Variants in SLC49A3 observed in about 807,000 individuals in gnomAD.
The protein encoded by SLC49A3 is solute carrier family 49 member 3, also known as solute carrier family 49 member A3.
SLC49A3 carries 50 observed loss-of-function variants against 43.8 expected under a neutral mutation model. The observed-to-expected ratio is 1.14, with a 90% CI of 0.91 to 1.45. The LOEUF (loss-of-function observed/expected upper bound fraction) is 1.45. Ranked by LOEUF, SLC49A3 falls within the 40% of genes most tolerant of loss-of-function variation. The pLI is 0.00. For missense variants in SLC49A3, 906 were observed against 774.1 expected (o/e 1.17, Z -2.02); for synonymous variants, 413 against 352.0 (o/e 1.17, Z -1.94).
downstream of SLC49A3, among the ~76,000 whole-genome samples, chr4:681,327 C>T (rs1206817016): frequency 6.6e-6 from 1 of 152,082 alleles, no homozygotes; most frequent in Non-Finnish European, 1.5e-5. Context: ...ATCAGGTCAG[C>T]GGTTGGAGAC....
chr4:680,039 C>G (rs1739289730), downstream of SLC49A3: 1 of 1,560,816 alleles, frequency 6.4e-7, no homozygotes, highest in African/African-American at 1.4e-5. Context: ...GTGGGGCAGG[C>G]CTGGCCCTCC....
Position 682,140 on chromosome 4 carries a change from C to T in SLC49A3, c.1498G>A (p.Asp500Asn), listed in dbSNP as rs1183419780. The T allele has an allele frequency of 1.5e-6, 2 of 1,343,430 alleles. No homozygotes were observed. Among genetic ancestry groups the T allele is most frequent in the Admixed American group, 6.9e-5 (2 of 29,106 alleles). The allele number at this position is 1,343,430 out of a possible 1,614,324, so 83.2% of individuals were successfully genotyped here. A position where few individuals can be genotyped will look rare whatever the true frequency, so the allele number is the denominator to read the frequency against. ...TGGGGGCTCCCGGGCCCTCTGGGGT[C>T]CTCTAGCGAGGCCCCCCTCGCCGTG... is the stretch of plus-strand genomic sequence containing the variant. ...ECTARGASLE[D>N]PRGPGSPHPA... Residue 500 changes from aspartate to asparagine, a missense_variant, in exon 10 of 10, where the codon GAC becomes AAC. Asp to Asn is a conservative substitution (Grantham distance 23, BLOSUM62 1). Transcript: ENST00000322224.
chr4:678,043 C>T (rs372794422), downstream of SLC49A3: 124 of 1,613,174 alleles, frequency 7.7e-5, no homozygotes, highest in African/African-American at 2.0e-4. Context: ...AGCAGGCCGC[C>T]GTGCATGCCT....
chr4:685,228 A>C lies in SLC49A3; in HGVS notation c.586-372T>G. 1 of 336,140 alleles carries C rather than the reference A, an allele frequency of 3.0e-6. No individual in the cohort carries two copies. The highest frequency in any genetic ancestry group is 2.2e-5 in the African/African-American group (1 of 46,492). 20.8% of individuals were successfully genotyped at this position (336,140 alleles called of 1,614,324 possible). A position where few individuals can be genotyped will look rare whatever the true frequency, so the allele number is the denominator to read the frequency against. The stretch of plus-strand genomic sequence containing the variant: ...AGACTCACGCTCAGTACATACCCCC[A>C]AGCACAAACACACCACCCGCACCTG... On this transcript the variant is annotated intron_variant, in intron 4 of 9. Transcript: ENST00000322224. This position sits in a 1 kb window ranked among gnomAD's most constrained non-coding sequence, Gnocchi z 4.3.
Position 686,626 on chromosome 4 carries a change from T to C in SLC49A3, c.200A>G (p.Gln67Arg), listed in dbSNP as rs748961018. ...GTAGACCAGTGACAGCCAGTTGATC[T>C]GCTCCATGGACAGGACCAAGTCCTC... ...IAEDLVLSMEQINWLSLVYLV... is the reference protein window; with the variant it reads ...IAEDLVLSMERINWLSLVYLV... Residue 67 changes from glutamine (Q) to arginine (R), a missense_variant, in exon 2 of 10, where the codon CAG becomes CGG. Physicochemically the swap from Gln to Arg is conservative, Grantham distance 43. Transcript: ENST00000322224. 4 of 1,613,368 alleles carry C rather than the reference T, an allele frequency of 2.5e-6. 1 individual carries two copies. In the South Asian group the frequency reaches 4.4e-5, roughly 18 times the overall value.
At chr4:683,134 G>A in intron 8 of SLC49A3, 76 bp downstream of exon 8, 1 of 1,580,634 alleles carries the variant, frequency 6.3e-7, no homozygotes, top group Non-Finnish European at 8.7e-7. Flanking sequence ...TGGACCACAT[G>A]GTGCAACCCC....
At chr4:680,391 G>A, downstream of SLC49A3, 2 of 1,087,374 alleles carry the variant, frequency 1.8e-6, 1 homozygote, top group Non-Finnish European at 2.8e-6. Context: ...CCACCTTGTG[G>A]GCAGAGGCTT....
chr4:683,425 C>T, intron 7 of SLC49A3, 58 bp from the exon 8 acceptor site: 2 of 1,571,254 alleles, frequency 1.3e-6, no homozygotes, highest in South Asian at 1.2e-5. Context: ...AGAACTGGAC[C>T]TGGCTTCACG....
intron 7 of SLC49A3, 109 bp downstream of exon 7, chr4:683,500 G>C: frequency 4.0e-6 from 6 of 1,495,476 alleles, no homozygotes; most frequent in Middle Eastern, 2.2e-4. Flanking sequence ...GCAGAGGCTG[G>C]GCATGAGACA....
At chr4:677,907 A>T, downstream of SLC49A3, 1 of 1,563,696 alleles carries the variant, frequency 6.4e-7, no homozygotes, top group African/African-American at 1.4e-5. Flanking sequence ...GGTAGCCCCA[A>T]GCCTGTCCTT....
downstream of SLC49A3, chr4:678,861 G>A (rs1739130542): frequency 1.9e-6 from 3 of 1,608,886 alleles, no homozygotes; most frequent in Non-Finnish European, 1.7e-6. Flanking sequence ...AGGAGTGGAA[G>A]CCTATCCTCA....
At chr4:684,059 G>T (rs1052643177) in intron 6 of SLC49A3, among the ~76,000 whole-genome samples, 1 of 152,230 alleles carries the variant, frequency 6.6e-6, no homozygotes, top group African/African-American at 2.4e-5. Context: ...ATCCTACACT[G>T]AGCACTGATC....
Position 686,583 on chromosome 4 carries a change from T to C in SLC49A3, c.243A>G (p.Pro81=), listed in dbSNP as rs1195323285. The C allele has an allele frequency of 2.5e-6, 4 of 1,613,052 alleles. No homozygotes were observed. Among genetic ancestry groups the C allele is most frequent in the African/African-American group, 1.3e-5 (1 of 74,926 alleles). The part of the protein sequence containing the change: ...LSLVYLVVST[P]FGVAAIWILD... ...GGATCCAGATGGCCGCCACGCCAAA[T>C]GGGGTGGATACCACGAGGTAGACCA... Residue 81 remains proline (P), a synonymous_variant, in exon 2 of 10, where the codon CCA becomes CCG. Transcript: ENST00000322224.
Position 685,794 on chromosome 4 carries a change from A to T in SLC49A3, c.585+41T>A. ...GGAACACACAGACGTGCATGCGCAC[A>T]CACCACACAGACCAGGCACGGGCGT... is the stretch of plus-strand genomic sequence containing the variant. On this transcript the variant is annotated intron_variant, in intron 4 of 9. Transcript: ENST00000322224. The surrounding 1 kb of genome is among the most constrained non-coding windows in gnomAD (Gnocchi z 4.3). The T allele has an allele frequency of 6.2e-7, 1 of 1,605,104 alleles. No homozygotes were observed. Among genetic ancestry groups the T allele is most frequent in the Non-Finnish European group, 8.5e-7 (1 of 1,172,122 alleles).
chr4:679,322 G>A (rs142410590), downstream of SLC49A3: 12 of 389,718 alleles, frequency 3.1e-5, no homozygotes, highest in Non-Finnish European at 4.8e-5. Context: ...CTGGTAGGAC[G>A]CCACAGGCAG....
downstream of SLC49A3, chr4:678,524 C>T (rs1211817022): frequency 5.5e-6 from 8 of 1,456,096 alleles, no homozygotes; most frequent in Middle Eastern, 2.5e-4. Flanking sequence ...GCATGCTCCT[C>T]AGCTGTCTGG....
intron 1 of SLC49A3, among the ~76,000 whole-genome samples, chr4:688,359 C>G (rs1008607973): frequency 1.3e-5 from 2 of 152,190 alleles, no homozygotes; most frequent in Non-Finnish European, 2.9e-5. Flanking sequence ...ACTCCTGCCC[C>G]TGCCCCCGAG....
intron 4 of SLC49A3, 36 bp from the exon 5 acceptor site, chr4:684,892 A>C (rs368977920): frequency 3.9e-4 from 631 of 1,598,264 alleles, no homozygotes; most frequent in Non-Finnish European, 5.2e-4. Context: ...GAGACCACGC[A>C]GACTGGCACC....
Position 682,036 on chromosome 4 carries a change from TGCGAGTCTGCCGGGGCGGGAGGGCGCGTC to T in SLC49A3, c.1573_1601del (p.Asp525ArgfsTer10), listed in dbSNP as rs754452540. Reference sequence around the variant, plus strand: ...TAAACCTGGACGCTTGGACCCTGCCTGCGAGTCTGCCGGGGCGGGAGGGCGCGTCGGTGGCTGCTGGGCCTTGCGCACGG... The same window carrying T: ...TAAACCTGGACGCTTGGACCCTGCCTGGTGGCTGCTGGGCCTTGCGCACGG... On this transcript the variant is annotated frameshift_variant, in exon 10 of 10. Transcript: ENST00000322224. LOFTEE classifies it low-confidence loss of function (END_TRUNC). The T allele has an allele frequency of 5.5e-5, 78 of 1,426,098 alleles. No homozygotes were observed. In the East Asian group the frequency reaches 2.1e-3, roughly 39 times the overall value. 88.3% of individuals were successfully genotyped at this position (1,426,098 alleles called of 1,614,324 possible).
Sources: allele counts gnomAD v4.1 joint callset (sites outside exome capture counted in the v4.1 genomes callset), GRCh38; gene constraint gnomAD v4.1.1; non-coding constraint Gnocchi (gnomAD v3.1); transcripts MANE v1.5; gene names NCBI Gene and HGNC (gene_info 2026-07-23, HGNC 2026-07-21).